The following MTX2 variants were observed in gnomAD, a reference collection of about 807,000 sequenced individuals.
The protein encoded by MTX2 is metaxin-2.
In MTX2, 35 loss-of-function variants were observed where a neutral mutation model predicts 42.3. That is an observed-to-expected ratio of 0.83 (90% CI 0.63 to 1.10). The LOEUF (loss-of-function observed/expected upper bound fraction) is 1.10, where lower values mean the gene tolerates loss of function less well. Ranked by LOEUF, MTX2 falls within the 50% of genes least tolerant of loss-of-function variation. MTX2 has a pLI of 0.00. For synonymous variants in MTX2, 119 were observed against 100.9 expected, an observed-to-expected ratio of 1.18 and a Z score of -1.08; for missense variants, 307 against 304.1, an observed-to-expected ratio of 1.01 and a Z score of -0.07.
intron 9 of MTX2, among the ~76,000 whole-genome samples, chr2:176,331,938 T>C (rs1375752962): frequency 1.3e-5 from 2 of 151,254 alleles, no homozygotes; most frequent in African/African-American, 4.8e-5. Flanking sequence ...AACTTACTTT[T>C]CTTCTCAGTT....
At chr2:176,311,518 G>A (rs546491685) in intron 3 of MTX2, among the ~76,000 whole-genome samples, 176 of 152,208 alleles carry the variant, frequency 1.2e-3, no homozygotes, top group African/African-American at 3.7e-3. Flanking sequence ...GAGGTGAAGC[G>A]TAGAGGCAGT....
At chr2:176,283,549 G>T (rs1205101670) in intron 1 of MTX2, among the ~76,000 whole-genome samples, 6 of 152,084 alleles carry the variant, frequency 3.9e-5, no homozygotes, top group Non-Finnish European at 8.8e-5. Context: ...GGGATAATTT[G>T]TTCTATAACT....
intron 9 of MTX2, among the ~76,000 whole-genome samples, chr2:176,331,151 AAC>A (rs1161193061): frequency 4.6e-5 from 7 of 151,338 alleles, no homozygotes; most frequent in East Asian, 3.9e-4. Context: ...ATATTTGTAA[AAC>A]ACAGAAATTA....
At chr2:176,279,837 T>G (rs1028762275) in intron 1 of MTX2, among the ~76,000 whole-genome samples, 1 of 152,126 alleles carries the variant, frequency 6.6e-6, no homozygotes, top group African/African-American at 2.4e-5. Flanking sequence ...TTGGAGAATA[T>G]AAAATAATTT....
intron 1 of MTX2, among the ~76,000 whole-genome samples, chr2:176,274,579 C>A (rs1287457381): frequency 6.6e-6 from 1 of 152,112 alleles, no homozygotes; most frequent in African/African-American, 2.4e-5. Flanking sequence ...TATGTGCATA[C>A]ACAAACACAT....
At chr2:176,314,316 A>AGT (rs1207174276) in intron 3 of MTX2, among the ~76,000 whole-genome samples, 1 of 152,198 alleles carries the variant, frequency 6.6e-6, no homozygotes, top group African/African-American at 2.4e-5. Flanking sequence ...ACACGCCTGT[A>AGT]GTCCCACCTA....
intron 1 of MTX2, among the ~76,000 whole-genome samples, chr2:176,277,087 G>A (rs1221706198): frequency 6.6e-6 from 1 of 152,084 alleles, no homozygotes; most frequent in Admixed American, 6.6e-5. Context: ...GCGTTCCATG[G>A]AACCCATATG....
intron 1 of MTX2, 91 bp downstream of exon 1, chr2:176,269,760 G>A (rs375100588): frequency 2.1e-6 from 3 of 1,425,938 alleles, no homozygotes; most frequent in Non-Finnish European, 1.9e-6. Context: ...CCAGCCTTGC[G>A]GCATTATACG....
intron 3 of MTX2, among the ~76,000 whole-genome samples, chr2:176,317,651 T>C (rs571295136): frequency 6.6e-6 from 1 of 152,250 alleles, no homozygotes; most frequent in South Asian, 2.1e-4. Flanking sequence ...ATTTTTTTTC[T>C]CCAGAGAGAT....
At chr2:176,287,626 T>C (rs1359270453) in intron 1 of MTX2, among the ~76,000 whole-genome samples, 2 of 152,206 alleles carry the variant, frequency 1.3e-5, no homozygotes, top group African/African-American at 2.4e-5. Flanking sequence ...TAGACTCTTA[T>C]GTCAGTCAAC....
intron 9 of MTX2, among the ~76,000 whole-genome samples, chr2:176,333,105 T>C (rs1373373860): frequency 6.6e-6 from 1 of 151,526 alleles, no homozygotes; most frequent in Non-Finnish European, 1.5e-5. Context: ...ATCAAATTTC[T>C]TAGGACTTTA....
At position 176,269,692 on chromosome 2, in the gene MTX2, C is replaced by T. The variant is rs371610938; in HGVS notation, c.40+23C>T. 18 of 1,586,604 alleles carry T rather than the reference C, an allele frequency of 1.1e-5. No individual in the cohort carries two copies. In the Admixed American group the frequency reaches 2.8e-4, roughly 25 times the overall value. ...CAGGTAGCGCGGCTGGCCGCAGACC[C>T]AGAAGGTGGCGGCGCGGTCTCGGGG... On this transcript the variant is annotated intron_variant, in intron 1 of 9. Transcript: ENST00000249442.
rs564826551 is a variant in MTX2, at chr2:176,330,753, T to C, written c.620+93T>C. 5 of 826,992 alleles carry C rather than the reference T, an allele frequency of 6.0e-6. No individual in the cohort carries two copies. In the Admixed American group the frequency reaches 6.8e-5, roughly 11 times the overall value. The allele number at this position is 826,992 out of a possible 1,614,324, so 51.2% of individuals were successfully genotyped here. On this transcript the variant is annotated intron_variant, in intron 9 of 9. Transcript: ENST00000249442. ...AAAGAATTGCTTTTTCAAGAAAATA[T>C]TTAGCTATTTTTATAATTTTTGTAC...
intron 9 of MTX2, among the ~76,000 whole-genome samples, chr2:176,332,157 G>T (rs139027866): frequency 1.3e-5 from 2 of 151,114 alleles, no homozygotes; most frequent in South Asian, 4.2e-4. Flanking sequence ...TTTCCTTTGC[G>T]TGATACTTAG....
intron 4 of MTX2, among the ~76,000 whole-genome samples, chr2:176,323,981 T>A (rs1432629529): frequency 6.6e-6 from 1 of 151,632 alleles, no homozygotes; most frequent in Non-Finnish European, 1.5e-5. Context: ...TTTGAGATGC[T>A]TTAGCTTCCT....
chr2:176,271,703 T>C (rs1379934091), intron 1 of MTX2, among the ~76,000 whole-genome samples: 2 of 152,212 alleles, frequency 1.3e-5, no homozygotes, highest in Non-Finnish European at 2.9e-5. Context: ...GAACGTAATG[T>C]AGCAATATTT....
chr2:176,325,924 T>C (rs1476134311), intron 4 of MTX2, among the ~76,000 whole-genome samples: 2 of 151,716 alleles, frequency 1.3e-5, no homozygotes, highest in Admixed American at 6.6e-5. Context: ...TTGAAGCTTT[T>C]GTTAGGCCTC....
chr2:176,284,864 G>C (rs562493909), intron 1 of MTX2, among the ~76,000 whole-genome samples: 1 of 152,274 alleles, frequency 6.6e-6, no homozygotes, highest in East Asian at 1.9e-4. Context: ...GGTGTTCACA[G>C]ACCATCTGCA....
intron 3 of MTX2, among the ~76,000 whole-genome samples, chr2:176,310,048 G>T (rs985984664): frequency 6.6e-6 from 1 of 152,096 alleles, no homozygotes; most frequent in East Asian, 1.9e-4. Flanking sequence ...GGTACTGGTT[G>T]TTTTCTTTCC....
Sources: gnomAD v4.1 joint callset for allele counts (sites outside exome capture counted in the v4.1 genomes callset) on GRCh38, gnomAD v4.1.1 for gene constraint, MANE v1.5 for transcripts, NCBI Gene and HGNC (gene_info 2026-07-23, HGNC 2026-07-21) for gene names.